Variants in DCC observed in about 807,000 individuals in gnomAD.
DCC encodes netrin receptor DCC.
A neutral mutation model predicts 172.5 loss-of-function variants in DCC; 58 were observed. The observed-to-expected ratio is 0.34, with a 90% CI of 0.27 to 0.42. The LOEUF is 0.42. Ranked by LOEUF, DCC falls within the 10% of genes least tolerant of loss-of-function variation. The probability of loss-of-function intolerance (pLI) is 1.00; values close to 1 mark genes in which losing one functional copy is unlikely to be tolerated. For synonymous variants in DCC, 709 were observed against 644.5 expected (o/e 1.10, Z -1.52); for missense variants, 1,740 against 1,791.0 (o/e 0.97, Z 0.51).
intron 12 of DCC, among the ~76,000 whole-genome samples, chr18:53,281,810 C>A (rs1300975113): frequency 6.7e-6 from 1 of 149,098 alleles, no homozygotes; most frequent in Non-Finnish European, 1.5e-5. Flanking sequence ...GCCAGTATAC[C>A]ACCAGAATTC....
At chr18:53,215,676 G>T in intron 12 of DCC, 79 bp downstream of exon 12, 1 of 1,168,882 alleles carries the variant, frequency 8.6e-7, no homozygotes, top group Non-Finnish European at 1.3e-6. Flanking sequence ...CCCAACTGCT[G>T]TCTTGAGTAC....
intron 5 of DCC, among the ~76,000 whole-genome samples, chr18:52,957,379 T>C (rs1477235168): frequency 1.3e-5 from 2 of 152,112 alleles, no homozygotes; most frequent in Non-Finnish European, 2.9e-5. Context: ...GCAATCGATA[T>C]TTCAAAAATA....
intron 15 of DCC, among the ~76,000 whole-genome samples, chr18:53,347,955 C>T (rs969050946): frequency 6.6e-6 from 1 of 152,114 alleles, no homozygotes; most frequent in African/African-American, 2.4e-5. Flanking sequence ...GTTGGAGTTA[C>T]AATTCAAGAT....
Position 53,535,172 on chromosome 18 carries a change from G to T in DCC, c.*4519G>T. 6.6e-6 allele frequency: 1 copy of T among 151,736 alleles called. No individual in the cohort carries two copies. The highest frequency in any genetic ancestry group is 2.4e-5 in the African/African-American group (1 of 41,282). The allele number at this position is 151,736 out of a possible 1,614,324, so 9.4% of individuals were successfully genotyped here. The stretch of plus-strand genomic sequence containing the variant: ...TTGGGGGAAGGGTGGGCGGGTATGG[G>T]GTGTACTTTTTATAAGTAATATTTA... On this transcript the variant is annotated 3_prime_UTR_variant, in exon 29 of 29. Transcript: ENST00000442544.
intron 1 of DCC, among the ~76,000 whole-genome samples, chr18:52,663,989 A>G (rs956683765): frequency 3.3e-5 from 5 of 152,188 alleles, no homozygotes; most frequent in African/African-American, 1.2e-4. Context: ...CAAAATAAGA[A>G]CATTATTTAG....
intron 1 of DCC, among the ~76,000 whole-genome samples, chr18:52,595,141 C>T (rs918676004): frequency 3.3e-5 from 5 of 152,212 alleles, no homozygotes; most frequent in African/African-American, 1.2e-4. Context: ...AGTTATGGTC[C>T]TTCTCCTGGA....
chr18:53,354,382 G>T (rs2144914114), intron 15 of DCC, among the ~76,000 whole-genome samples: 1 of 152,312 alleles, frequency 6.6e-6, no homozygotes, highest in East Asian at 1.9e-4. Flanking sequence ...CCCACCAACA[G>T]TGTAAAAGTG....
chr18:52,469,911 G>T (rs921457804), intron 1 of DCC, among the ~76,000 whole-genome samples: 4 of 152,202 alleles, frequency 2.6e-5, no homozygotes, highest in Non-Finnish European at 5.9e-5. Context: ...GATTTGAGGA[G>T]AAAGGCCTGG....
intron 1 of DCC, among the ~76,000 whole-genome samples, chr18:52,551,641 A>G (rs934031744): frequency 3.9e-5 from 6 of 151,902 alleles, no homozygotes; most frequent in Non-Finnish European, 8.8e-5. Context: ...TGAATAATGA[A>G]TGAGCTACTC....
intron 1 of DCC, among the ~76,000 whole-genome samples, chr18:52,675,920 C>G (rs2035640019): frequency 1.3e-5 from 2 of 152,280 alleles, no homozygotes; most frequent in South Asian, 4.1e-4. Flanking sequence ...ATTTCCAGCT[C>G]TTTGACTATG....
intron 5 of DCC, among the ~76,000 whole-genome samples, chr18:52,943,823 C>T (rs186102690): frequency 1.3e-5 from 2 of 152,154 alleles, no homozygotes; most frequent in Non-Finnish European, 2.9e-5. Flanking sequence ...GATCTTGGCT[C>T]ACTGTAGCTT....
intron 5 of DCC, among the ~76,000 whole-genome samples, chr18:52,950,929 C>CGAAAAAAA (rs2040634099): frequency 1.7e-5 from 1 of 57,408 alleles, no homozygotes; most frequent in East Asian, 8.1e-4. Flanking sequence ...GACTCCGTCT[C>CGAAAAAAA]AAAAAAAAAA....
intron 1 of DCC, among the ~76,000 whole-genome samples, chr18:52,720,101 A>G (rs1599046046): frequency 6.6e-6 from 1 of 152,120 alleles, no homozygotes; most frequent in Non-Finnish European, 1.5e-5. Flanking sequence ...AGGCAGCTGG[A>G]GCAGAGACCC....
At chr18:52,461,866 T>C (rs1246350729) in intron 1 of DCC, among the ~76,000 whole-genome samples, 2 of 152,180 alleles carry the variant, frequency 1.3e-5, no homozygotes, top group Non-Finnish European at 2.9e-5. Context: ...TTTTTTCAAC[T>C]GTGCACTGGA....
intron 1 of DCC, among the ~76,000 whole-genome samples, chr18:52,610,420 G>GAAAAAA (rs1215482455): frequency 1.0e-5 from 1 of 97,914 alleles, no homozygotes; most frequent in Non-Finnish European, 2.1e-5. Flanking sequence ...AAAAGAAAAA[G>GAAAAAA]AAAAAAAAAA....
At chr18:52,419,754 G>C (rs1451716679) in intron 1 of DCC, 1 of 151,982 alleles carries the variant, frequency 6.6e-6, no homozygotes, top group African/African-American at 2.4e-5. Flanking sequence ...TCCACTTATT[G>C]TTATTTCCAC....
chr18:52,693,343 T>C (rs2035961010), intron 1 of DCC, among the ~76,000 whole-genome samples: 2 of 147,890 alleles, frequency 1.4e-5, no homozygotes, highest in Admixed American at 1.4e-4. Flanking sequence ...GCTATAAAAA[T>C]ATAAAAATAT....
At chr18:52,519,174 A>T (rs2144662701) in intron 1 of DCC, among the ~76,000 whole-genome samples, 1 of 152,316 alleles carries the variant, frequency 6.6e-6, no homozygotes, top group Admixed American at 6.5e-5. Flanking sequence ...TCCAGAATGT[A>T]GCTGCCAGAT....
At chr18:53,333,143 G>C (rs939603770) in intron 14 of DCC, among the ~76,000 whole-genome samples, 4 of 151,950 alleles carry the variant, frequency 2.6e-5, no homozygotes, top group Non-Finnish European at 4.4e-5. Context: ...GTAGAGTTCA[G>C]TGGTGAATAG....
Sources: allele counts gnomAD v4.1 joint callset (sites outside exome capture counted in the v4.1 genomes callset), GRCh38; gene constraint gnomAD v4.1.1; transcripts MANE v1.5; gene names NCBI Gene and HGNC (gene_info 2026-07-23, HGNC 2026-07-21).